PTPRM: variants seen among roughly 807,000 people sequenced by gnomAD.
PTPRM encodes protein tyrosine phosphatase receptor type M.
A neutral mutation model predicts 186.7 loss-of-function variants in PTPRM; 47 were observed. The observed-to-expected ratio is 0.25, with a 90% CI of 0.20 to 0.32. PTPRM has a LOEUF of 0.32. PTPRM is among the 10% of genes least tolerant of loss of function. PTPRM has a pLI of 1.00. For missense variants in PTPRM, 1,494 were observed against 1,865.0 expected (o/e 0.80, Z 3.66); for synonymous variants, 668 against 674.9 (o/e 0.99, Z 0.16).
intron 12 of PTPRM, 57 bp from the exon 13 acceptor site, chr18:8,114,734 C>G (rs1300580262): frequency 4.4e-6 from 6 of 1,377,946 alleles, no homozygotes; most frequent in Non-Finnish European, 6.1e-6. Flanking sequence ...ACAGATATTT[C>G]TATTTGTCTT....
At chr18:7,753,689 T>G (rs1294981796) in intron 1 of PTPRM, among the ~76,000 whole-genome samples, 1 of 152,212 alleles carries the variant, frequency 6.6e-6, no homozygotes, top group East Asian at 1.9e-4. Flanking sequence ...ACTGCAGACT[T>G]TCTTTGCCAT....
intron 1 of PTPRM, among the ~76,000 whole-genome samples, chr18:7,708,785 G>A (rs1434560607): frequency 3.3e-5 from 5 of 151,818 alleles, no homozygotes; most frequent in Admixed American, 2.6e-4. Context: ...ATACTGTGAC[G>A]GTTATGATGT....
At chr18:8,280,410 T>G (rs9944975) in intron 19 of PTPRM, among the ~76,000 whole-genome samples, 38 of 136,020 alleles carry the variant, frequency 2.8e-4, no homozygotes, top group South Asian at 5.2e-4. Flanking sequence ...TGGTCGGGGG[T>G]GGGGGGGGGG....
intron 31 of PTPRM, among the ~76,000 whole-genome samples, chr18:8,391,353 A>C (rs1242209393): frequency 1.3e-5 from 2 of 152,252 alleles, no homozygotes; most frequent in East Asian, 1.9e-4. Context: ...CCAAACATTC[A>C]TCAGCTGTTG....
chr18:8,251,779 A>G (rs1269748799), intron 17 of PTPRM: 2 of 152,234 alleles, frequency 1.3e-5, no homozygotes, highest in East Asian at 3.8e-4. Flanking sequence ...TTTTCTTCAG[A>G]GCTGAACTTC....
At chr18:8,140,185 C>T (rs2092731402) in intron 13 of PTPRM, among the ~76,000 whole-genome samples, 1 of 152,110 alleles carries the variant, frequency 6.6e-6, no homozygotes, top group African/African-American at 2.4e-5. Context: ...TGGTCAGTAG[C>T]TCTGGGCACC....
intron 22 of PTPRM, among the ~76,000 whole-genome samples, chr18:8,331,303 C>A (rs920208669): frequency 2.0e-5 from 3 of 152,164 alleles, no homozygotes; most frequent in Admixed American, 1.3e-4. Flanking sequence ...GGCTACAAAC[C>A]ACCCCATTAT....
chr18:7,932,665 C>T (rs1427580529), intron 5 of PTPRM, among the ~76,000 whole-genome samples: 2 of 152,030 alleles, frequency 1.3e-5, no homozygotes, highest in African/African-American at 4.8e-5. Context: ...CTCAGATTTA[C>T]TGTGATTTAC....
chr18:8,122,052 G>A (rs929932665), intron 13 of PTPRM: 12 of 151,868 alleles, frequency 7.9e-5, no homozygotes, highest in African/African-American at 2.7e-4. Context: ...GCTTGTTTAA[G>A]GGAAAAGAAT....
At chr18:8,113,456 A>T in intron 11 of PTPRM, 30 bp from the exon 12 acceptor site, 1 of 1,598,986 alleles carries the variant, frequency 6.3e-7, no homozygotes, top group Non-Finnish European at 8.6e-7. Flanking sequence ...TTATCATAAA[A>T]TATCATTGAT....
At chr18:8,367,259 G>A (rs1005589403) in intron 23 of PTPRM, among the ~76,000 whole-genome samples, 1 of 152,236 alleles carries the variant, frequency 6.6e-6, no homozygotes, top group Admixed American at 6.5e-5. Flanking sequence ...TATTCTGGGA[G>A]ATGAGATGGG....
chr18:7,773,934 G>A (rs1232514362), intron 1 of PTPRM, among the ~76,000 whole-genome samples: 1 of 152,080 alleles, frequency 6.6e-6, no homozygotes, highest in East Asian at 1.9e-4. Flanking sequence ...GGAGAGCTGC[G>A]TAATACAGTG....
chr18:7,986,557 G>A (rs887103714), intron 7 of PTPRM, among the ~76,000 whole-genome samples: 1 of 152,244 alleles, frequency 6.6e-6, no homozygotes, highest in African/African-American at 2.4e-5. Context: ...GCCAAGGCCG[G>A]TGAATGAAGG....
intron 2 of PTPRM, among the ~76,000 whole-genome samples, chr18:7,859,924 T>TC (rs2047279296): frequency 6.6e-6 from 1 of 152,148 alleles, no homozygotes; most frequent in South Asian, 2.1e-4. Context: ...GGAAGTGTTT[T>TC]CCCAGGCTCC....
chr18:8,310,558 C>G (rs2095260313), intron 20 of PTPRM, among the ~76,000 whole-genome samples: 2 of 150,880 alleles, frequency 1.3e-5, no homozygotes, highest in Admixed American at 6.7e-5. Context: ...GTTCTGCCCT[C>G]TCCACTTTCC....
chr18:7,841,574 G>A (rs1403915764), intron 2 of PTPRM, among the ~76,000 whole-genome samples: 9 of 152,048 alleles, frequency 5.9e-5, no homozygotes, highest in East Asian at 1.9e-4. Context: ...GATTACAGGC[G>A]TGAGCCACCA....
chr18:7,887,026 T>G (rs532264692), intron 2 of PTPRM, among the ~76,000 whole-genome samples: 6 of 152,162 alleles, frequency 3.9e-5, no homozygotes, highest in Non-Finnish European at 8.8e-5. Flanking sequence ...TAAACACATA[T>G]TAACATATAT....
chr18:8,282,640 C>T (rs548437963), intron 19 of PTPRM, among the ~76,000 whole-genome samples: 48 of 152,030 alleles, frequency 3.2e-4, no homozygotes, highest in Non-Finnish European at 5.1e-4. Context: ...CCAGCCTGGG[C>T]GACAAGAGCT....
intron 1 of PTPRM, among the ~76,000 whole-genome samples, chr18:7,692,436 A>G (rs558293922): frequency 8.5e-5 from 13 of 152,334 alleles, no homozygotes; most frequent in Admixed American, 7.8e-4. Flanking sequence ...GAGCCAAGTC[A>G]CAGCACTGCT....
Sources: allele counts gnomAD v4.1 joint callset (sites outside exome capture counted in the v4.1 genomes callset), GRCh38; gene constraint gnomAD v4.1.1; transcripts MANE v1.5; gene names NCBI Gene and HGNC (gene_info 2026-07-23, HGNC 2026-07-21).